Variants in MALRD1 observed in about 807,000 individuals in gnomAD.
MALRD1 encodes MAM and LDL-receptor class A domain-containing protein 1.
A neutral mutation model predicts 242.1 loss-of-function variants in MALRD1; 247 were observed. The observed-to-expected ratio is 1.02, with a 90% CI of 0.92 to 1.13. The LOEUF is 1.13. MALRD1 is among the 50% of genes most tolerant of loss of function. The pLI, the probability that MALRD1 is intolerant of heterozygous loss-of-function variation, is 0.00. For missense variants in MALRD1, 2,989 were observed against 2,533.1 expected, an observed-to-expected ratio of 1.18 and a Z score of -3.86; for synonymous variants, 995 against 866.6, an observed-to-expected ratio of 1.15 and a Z score of -2.60.
At chr10:19,302,644 C>G (rs879594467) in intron 21 of MALRD1, among the ~76,000 whole-genome samples, 20 of 151,676 alleles carry the variant, frequency 1.3e-4, no homozygotes, top group Non-Finnish European at 2.2e-4. Flanking sequence ...TAAGGGGTTA[C>G]TTTTTGGGAT....
intron 13 of MALRD1, among the ~76,000 whole-genome samples, chr10:19,174,294 G>C (rs1448039331): frequency 6.6e-6 from 1 of 152,148 alleles, no homozygotes; most frequent in Non-Finnish European, 1.5e-5. Context: ...CTCTCACAAA[G>C]GAAAGAGAGG....
intron 32 of MALRD1, among the ~76,000 whole-genome samples, chr10:19,558,480 G>A (rs543977266): frequency 3.9e-4 from 59 of 152,198 alleles, no homozygotes; most frequent in African/African-American, 1.4e-3. Context: ...TTTTCTGCAT[G>A]TATTGATATA....
intron 31 of MALRD1, 78 bp downstream of exon 31, chr10:19,498,724 T>C: frequency 1.4e-6 from 2 of 1,463,050 alleles, no homozygotes. Context: ...TGAATTTCAG[T>C]GTGCATTTCT....
intron 32 of MALRD1, among the ~76,000 whole-genome samples, chr10:19,542,343 A>G (rs1835008010): frequency 6.6e-6 from 1 of 152,076 alleles, no homozygotes; most frequent in Admixed American, 6.5e-5. Flanking sequence ...TTTTCCTTAC[A>G]GAGTCTGGGT....
At chr10:19,732,111 A>G (rs1835319749) in intron 39 of MALRD1, among the ~76,000 whole-genome samples, 1 of 152,256 alleles carries the variant, frequency 6.6e-6, no homozygotes, top group African/African-American at 2.4e-5. Flanking sequence ...TCGACAAGTA[A>G]ATCAAGACAG....
At chr10:19,133,475 C>G (rs955299212) in intron 8 of MALRD1, among the ~76,000 whole-genome samples, 7 of 152,042 alleles carry the variant, frequency 4.6e-5, no homozygotes, top group Admixed American at 3.3e-4. Flanking sequence ...TAAACGTTTT[C>G]TTTTCTAGTA....
chr10:19,124,285 C>T (rs57153462), intron 6 of MALRD1, among the ~76,000 whole-genome samples: 10,084 of 152,124 alleles, frequency 0.066, 398 homozygotes, highest in South Asian at 0.13. Flanking sequence ...TCTCCTTTTT[C>T]TATGGCAATG....
intron 18 of MALRD1, among the ~76,000 whole-genome samples, chr10:19,245,428 G>A (rs1442562855): frequency 2.0e-5 from 3 of 152,078 alleles, no homozygotes; most frequent in African/African-American, 4.8e-5. Context: ...ATAAATAAAT[G>A]TATGCATACT....
intron 38 of MALRD1, among the ~76,000 whole-genome samples, chr10:19,714,178 C>G (rs943427524): frequency 2.0e-5 from 3 of 152,130 alleles, no homozygotes; most frequent in Non-Finnish European, 4.4e-5. Flanking sequence ...CCTTGGTGTA[C>G]TGGAAAAATT....
chr10:19,596,447 A>G (rs1327771274), intron 34 of MALRD1, among the ~76,000 whole-genome samples: 1 of 152,144 alleles, frequency 6.6e-6, no homozygotes, highest in Non-Finnish European at 1.5e-5. Flanking sequence ...ACATTGAATG[A>G]GGCTGGGTGC....
At chr10:19,730,814 A>C (rs1835263015) in intron 39 of MALRD1, 33 bp downstream of exon 39, 1 of 1,498,646 alleles carries the variant, frequency 6.7e-7, no homozygotes, top group Non-Finnish European at 9.0e-7. Flanking sequence ...ATCTTTTCAC[A>C]CATATGCACA....
chr10:19,111,937 A>G (rs779533609), intron 5 of MALRD1, among the ~76,000 whole-genome samples: 44 of 152,200 alleles, frequency 2.9e-4, no homozygotes, highest in Non-Finnish European at 5.7e-4. Flanking sequence ...CTGGGGCTGC[A>G]CTTTGTAAAT....
In MALRD1 at chr10:19,527,813, C is replaced by G. The variant is rs114876890; in HGVS notation, c.5321-3381C>G. Among the ~76,000 whole-genome samples, 1,132 of 152,178 alleles carry G rather than the reference C, an allele frequency of 7.4e-3. 12 individuals are homozygous for G. Among genetic ancestry groups the G allele is most frequent in the African/African-American group, 0.025 (1,056 of 41,512 alleles). On this transcript the variant is annotated intron_variant, in intron 31 of 39. Transcript: ENST00000454679. The stretch of plus-strand genomic sequence containing the variant: ...ATTGGATTATACCATATTTTTCTTA[C>G]TGAAGATAATGTTTTAAAGTTGGTC...
chr10:19,265,569 T>C (rs1839938387), intron 19 of MALRD1, among the ~76,000 whole-genome samples: 1 of 152,118 alleles, frequency 6.6e-6, no homozygotes, highest in Admixed American at 6.5e-5. Context: ...TTTCATACCA[T>C]TGTGGTTAGA....
At chr10:19,464,341 A>G (rs1219737567) in intron 29 of MALRD1, among the ~76,000 whole-genome samples, 2 of 152,210 alleles carry the variant, frequency 1.3e-5, no homozygotes, top group East Asian at 1.9e-4. Flanking sequence ...TTATAGCTTC[A>G]GGTCTTAGAT....
chr10:19,247,690 A>G (rs1011903249), intron 18 of MALRD1, among the ~76,000 whole-genome samples: 1 of 152,058 alleles, frequency 6.6e-6, no homozygotes, highest in Non-Finnish European at 1.5e-5. Flanking sequence ...TTATATTTTT[A>G]TTTTCAAGGA....
chr10:19,158,641 T>A (rs1399268822), intron 12 of MALRD1, among the ~76,000 whole-genome samples: 1 of 152,354 alleles, frequency 6.6e-6, no homozygotes, highest in East Asian at 1.9e-4. Context: ...GCAACACATA[T>A]ATATTGCTTA....
At chr10:19,671,394 G>A (rs1315625888) in intron 36 of MALRD1, among the ~76,000 whole-genome samples, 2 of 152,132 alleles carry the variant, frequency 1.3e-5, no homozygotes, top group Non-Finnish European at 2.9e-5. Flanking sequence ...AAGGTGGGTG[G>A]ATCACCTGAG....
At chr10:19,209,098 A>G (rs1239592327) in intron 17 of MALRD1, among the ~76,000 whole-genome samples, 170 bp from the exon 18 acceptor site, 1 of 152,234 alleles carries the variant, frequency 6.6e-6, no homozygotes, top group Non-Finnish European at 1.5e-5. Context: ...TTAGAAACAA[A>G]AACTCTTTTT....
Sources: allele counts gnomAD v4.1 joint callset (sites outside exome capture counted in the v4.1 genomes callset), GRCh38; gene constraint gnomAD v4.1.1; transcripts MANE v1.5; gene names NCBI Gene and HGNC (gene_info 2026-07-23, HGNC 2026-07-21).